KANK1: variants seen among roughly 807,000 people sequenced by gnomAD.
KANK1 encodes KN motif and ankyrin repeat domains 1.
In KANK1, 109 loss-of-function variants were observed where a neutral mutation model predicts 106.2. That is an observed-to-expected ratio of 1.03 (90% CI 0.88 to 1.20). The LOEUF (loss-of-function observed/expected upper bound fraction) is 1.20, where lower values mean the gene tolerates loss of function less well. Ranked by LOEUF, KANK1 falls within the 50% of genes most tolerant of loss-of-function variation. The pLI is 0.00. For synonymous variants in KANK1, 873 were observed against 652.2 expected (o/e 1.34, Z -5.16); for missense variants, 2,399 against 1,710.7 (o/e 1.40, Z -7.10).
intron 1 of KANK1, among the ~76,000 whole-genome samples, chr9:624,638 A>G (rs1833921612): frequency 6.6e-6 from 1 of 152,006 alleles, no homozygotes; most frequent in Non-Finnish European, 1.5e-5. Context: ...CCCCATCTCT[A>G]CTAAAAATAC....
intron 1 of KANK1, among the ~76,000 whole-genome samples, chr9:643,599 G>A (rs78648419): frequency 0.058 from 7,570 of 130,566 alleles, 341 homozygotes; most frequent in African/African-American, 0.082. Flanking sequence ...TGCCCAAGCT[G>A]GTCTCGAACT....
intron 3 of KANK1, among the ~76,000 whole-genome samples, chr9:722,833 A>T (rs117357021): frequency 0.017 from 2,572 of 152,296 alleles, 40 homozygotes; most frequent in South Asian, 0.024. Context: ...GCACTGTTCT[A>T]AGCACTGGAC....
chr9:570,661 A>G (rs1818931273), intron 1 of KANK1, among the ~76,000 whole-genome samples: 2 of 152,350 alleles, frequency 1.3e-5, no homozygotes, highest in East Asian at 3.9e-4. Flanking sequence ...ACTTGCCTCC[A>G]GTAACTTACA....
At chr9:599,929 T>C (rs1214702807) in intron 1 of KANK1, among the ~76,000 whole-genome samples, 1 of 151,798 alleles carries the variant, frequency 6.6e-6, no homozygotes. Flanking sequence ...TTTTATAGTA[T>C]AAATAATGCA....
At chr9:650,769 C>G (rs1196583237) in intron 1 of KANK1, among the ~76,000 whole-genome samples, 1 of 151,884 alleles carries the variant, frequency 6.6e-6, no homozygotes, top group African/African-American at 2.4e-5. Context: ...TAACAGAGGC[C>G]CAATGTTCCT....
rs187665928 is a variant in KANK1, at chr9:661,053, A to G, written c.-83-15837A>G. 7.9e-4 allele frequency among the ~76,000 whole-genome samples: 118 copies of G among 148,622 alleles called. 1 individual carries two copies. Among genetic ancestry groups the G allele is most frequent in the African/African-American group, 2.9e-3 (116 of 40,068 alleles). ...TTAATGGCAACAGCTGTCCAATTTC[A>G]TGGAAAGTAACCAACTGGTTTTGAG... On this transcript the variant is annotated intron_variant, in intron 1 of 11. Coordinates refer to ENST00000382297, the MANE Select transcript of KANK1 (RefSeq NM_015158.5).
intron 2 of KANK1, among the ~76,000 whole-genome samples, chr9:708,380 C>T (rs1824903656): frequency 6.6e-6 from 1 of 152,232 alleles, no homozygotes; most frequent in Non-Finnish European, 1.5e-5. Flanking sequence ...TCTTTTAACA[C>T]GAGCACAAGT....
chr9:648,659 G>C (rs889696497), intron 1 of KANK1, among the ~76,000 whole-genome samples: 2 of 152,188 alleles, frequency 1.3e-5, no homozygotes, highest in African/African-American at 4.8e-5. Context: ...AATAAGTGCG[G>C]TTGCAGAATC....
At chr9:725,819 A>G (rs1041023801) in intron 3 of KANK1, among the ~76,000 whole-genome samples, 2 of 152,188 alleles carry the variant, frequency 1.3e-5, no homozygotes, top group Admixed American at 6.5e-5. Flanking sequence ...TCAAAATACA[A>G]TCAACACTTA....
intron 3 of KANK1, among the ~76,000 whole-genome samples, chr9:720,657 GT>G (rs1411185574): frequency 6.6e-6 from 1 of 152,154 alleles, no homozygotes; most frequent in Non-Finnish European, 1.5e-5. Context: ...CACCCAGCCT[GT>G]TTTTTGTTTT....
chr9:635,992 G>A (rs888473830), intron 1 of KANK1, among the ~76,000 whole-genome samples: 2 of 151,934 alleles, frequency 1.3e-5, no homozygotes, highest in African/African-American at 4.8e-5. Flanking sequence ...TTCTTAATGA[G>A]GCACAAACTC....
chr9:632,996 A>T (rs74307564), intron 1 of KANK1, among the ~76,000 whole-genome samples: 5,380 of 151,706 alleles, frequency 0.035, 319 homozygotes, highest in East Asian at 0.24. Flanking sequence ...TCCCAGCCTG[A>T]GAGTGAGTGT....
At chr9:502,126 AC>A (rs777180201), upstream of KANK1, among the ~76,000 whole-genome samples, 15 of 152,206 alleles carry the variant, frequency 9.9e-5, no homozygotes, top group Non-Finnish European at 1.9e-4. Context: ...GTTATATGCA[AC>A]GTCCAGAATC....
chr9:672,797 G>C (rs1301994916), intron 1 of KANK1, among the ~76,000 whole-genome samples: 2 of 152,150 alleles, frequency 1.3e-5, no homozygotes, highest in Non-Finnish European at 2.9e-5. Context: ...ACTAAAACAT[G>C]CATCAGCATC....
At chr9:550,181 G>A (rs2061188082) in intron 1 of KANK1, among the ~76,000 whole-genome samples, 1 of 152,054 alleles carries the variant, frequency 6.6e-6, no homozygotes. Context: ...ACAGTCTGTG[G>A]TAGGTTCCCC....
chr9:707,258 T>C, intron 2 of KANK1: 1 of 984,504 alleles, frequency 1.0e-6, no homozygotes, highest in Non-Finnish European at 1.2e-6. Flanking sequence ...GTAGGTGAGC[T>C]GCGAGCGGCG....
chr9:552,561 G>T (rs567313686), intron 1 of KANK1, among the ~76,000 whole-genome samples: 1 of 152,152 alleles, frequency 6.6e-6, no homozygotes, highest in Non-Finnish European at 1.5e-5. Flanking sequence ...CTGCACAAAG[G>T]AAGGGAACTG....
At chr9:739,899 T>G (rs137919598) in intron 8 of KANK1, among the ~76,000 whole-genome samples, 50 of 152,188 alleles carry the variant, frequency 3.3e-4, no homozygotes, top group African/African-American at 9.2e-4. Context: ...GCACACGAAT[T>G]CACCTGCTTC....
rs377614808 is a variant in KANK1 at position 732,290 on chromosome 9, T to A, written c.3006-88T>A. 970 of 1,461,956 alleles carry A rather than the reference T, an allele frequency of 6.6e-4. 5 individuals are homozygous for A. In the Middle Eastern group the frequency reaches 0.016, roughly 24 times the overall value. 90.6% of individuals were successfully genotyped at this position (1,461,956 alleles called of 1,614,324 possible). ...AAAACCACTAGTGAAATTTCTGGAGTCAATTAGCAAATCCCTTCATAGAAA... is the reference window on the plus strand; with the variant it reads ...AAAACCACTAGTGAAATTTCTGGAGACAATTAGCAAATCCCTTCATAGAAA... On this transcript the variant is annotated intron_variant, in intron 5 of 11. Coordinates refer to ENST00000382297, the MANE Select transcript of KANK1 (RefSeq NM_015158.5).
Sources: allele counts gnomAD v4.1 joint callset (sites outside exome capture counted in the v4.1 genomes callset), GRCh38; gene constraint gnomAD v4.1.1; transcripts MANE v1.5; gene names NCBI Gene and HGNC (gene_info 2026-07-23, HGNC 2026-07-21).